Variants in TTLL4 observed in about 807,000 individuals in gnomAD.
TTLL4 encodes the protein tubulin tyrosine ligase like 4, also known as tubulin monoglutamylase TTLL4.
A neutral mutation model predicts 122.7 loss-of-function variants in TTLL4; 85 were observed. The ratio of observed to expected loss-of-function variants is 0.69; its 90% CI spans 0.58 to 0.83. The LOEUF is 0.83. Among genes scored for constraint, TTLL4 ranks in the 40% least tolerant of loss-of-function variants. TTLL4 has a pLI of 0.00. For synonymous variants in TTLL4, 553 were observed against 563.0 expected (o/e 0.98, Z 0.25); for missense variants, 1,363 against 1,488.6 (o/e 0.92, Z 1.39).
chr2:218,746,428 C>T, intron 8 of TTLL4, 197 bp downstream of exon 8: 1 of 593,230 alleles, frequency 1.7e-6, no homozygotes, highest in East Asian at 2.9e-5. Context: ...AGTTCAGCTG[C>T]AGTATCTTGG....
At chr2:218,739,252 T>A in intron 3 of TTLL4, 89 bp downstream of exon 3, 1 of 1,466,196 alleles carries the variant, frequency 6.8e-7, no homozygotes, top group Non-Finnish European at 9.0e-7. Context: ...CTCTGAAGGT[T>A]GGTTTTATTT....
In TTLL4 at chr2:218,754,525, G is replaced by A; in HGVS notation, c.*136G>A. 8.3e-7 allele frequency: 1 copy of A among 1,206,586 alleles called. No individual in the cohort carries two copies. Among genetic ancestry groups the A allele is most frequent in the Non-Finnish European group, 1.1e-6 (1 of 874,476 alleles). 74.7% of individuals were successfully genotyped at this position (1,206,586 alleles called of 1,614,324 possible). A position where few individuals can be genotyped will look rare whatever the true frequency, so the allele number is the denominator to read the frequency against. ...CCTCAGAGTATTTTTTGAAGTGGTT[G>A]CATTATAGAGATGGGTATTTGTAGG... On this transcript the variant is annotated 3_prime_UTR_variant, in exon 20 of 20. Transcript: ENST00000392102.
downstream of TTLL4, among the ~76,000 whole-genome samples, chr2:218,759,374 G>A (rs1195109987): frequency 6.6e-6 from 1 of 152,182 alleles, no homozygotes; most frequent in Non-Finnish European, 1.5e-5. Flanking sequence ...AACACAGTGG[G>A]ACCCTGTTTC....
intron 2 of TTLL4, among the ~76,000 whole-genome samples, chr2:218,734,224 T>A (rs1316506707): frequency 1.3e-5 from 2 of 152,182 alleles, no homozygotes; most frequent in Non-Finnish European, 1.5e-5. Flanking sequence ...AGGTTTTTTT[T>A]AGGATTAAAT....
chr2:218,714,235 A>G (rs1941793995), intron 1 of TTLL4, among the ~76,000 whole-genome samples: 1 of 152,226 alleles, frequency 6.6e-6, no homozygotes, highest in Non-Finnish European at 1.5e-5. Context: ...GCAAAGAGGA[A>G]GGAAGAAGGG....
rs752806885 is a variant in TTLL4, at chr2:218,751,808, TAGG to T, written c.2976+5_2976+7del. The T allele has an allele frequency of 2.7e-5, 43 of 1,609,590 alleles. No homozygotes were observed. The highest frequency in any genetic ancestry group is 3.7e-5 in the Non-Finnish European group (43 of 1,177,504). ...CTGACCCAGAAAATTCCTGATCAGG[TAGG>T]AGATTGGTCTTCCCCCCAGTGCTAG... is the stretch of plus-strand genomic sequence containing the variant. On this transcript the variant is annotated splice_donor_5th_base_variant and intron_variant, in intron 16 of 19. Coordinates refer to ENST00000392102, the MANE Select transcript of TTLL4 (RefSeq NM_014640.5).
At chr2:218,734,491 G>A (rs150282737) in intron 2 of TTLL4, among the ~76,000 whole-genome samples, 1 of 152,314 alleles carries the variant, frequency 6.6e-6, no homozygotes, top group African/African-American at 2.4e-5. Flanking sequence ...CATGCGCAGA[G>A]GTGAGGCATC....
intron 2 of TTLL4, among the ~76,000 whole-genome samples, chr2:218,728,280 T>C (rs1342464116): frequency 1.3e-5 from 2 of 152,214 alleles, no homozygotes; most frequent in Non-Finnish European, 1.5e-5. Context: ...TAATGTAGAA[T>C]CAGTGGGAGC....
intron 2 of TTLL4, among the ~76,000 whole-genome samples, chr2:218,731,110 TA>T (rs79616110): frequency 1.6e-3 from 161 of 101,578 alleles, no homozygotes; most frequent in Middle Eastern, 4.5e-3. Context: ...AGACCTTGTC[TA>T]AAAAAAAAAA....
Position 218,755,382 on chromosome 2 carries a change from C to T in TTLL4, c.*993C>T, listed in dbSNP as rs1943131866. ...TGTACTGAACTGATTCTACCTCCCT[C>T]CTCTAGACTCAGTAAACAGTGACTA... On this transcript the variant is annotated 3_prime_UTR_variant, in exon 20 of 20. Coordinates refer to ENST00000392102, the MANE Select transcript of TTLL4 (RefSeq NM_014640.5). 6.6e-6 allele frequency: 1 copy of T among 152,142 alleles called. No individual in the cohort carries two copies. The highest frequency in any genetic ancestry group is 2.1e-4 in the South Asian group (1 of 4,824). The allele number at this position is 152,142 out of a possible 1,614,324, so 9.4% of individuals were successfully genotyped here. A position where few individuals can be genotyped will look rare whatever the true frequency, so the allele number is the denominator to read the frequency against.
chr2:218,750,144 C>A lies in TTLL4; in HGVS notation c.2871C>A (p.Thr957=), dbSNP rs766420837. 47 of 1,613,426 alleles carry A rather than the reference C, an allele frequency of 2.9e-5. No individual in the cohort carries two copies. The Admixed American group carries it at 7.8e-4, about 27-fold the overall frequency. Residue 957 remains threonine (T), a splice_region_variant and synonymous_variant, in exon 15 of 20, where the codon ACC becomes ACA. Transcript: ENST00000392102. ...SSPSSCSSST[T]SLPTSPGDKC... Reference sequence around the variant, plus strand: ...CCAGCAGCTGCAGCAGCTCCACCACCAGGTGAGGCCCCTATTTCTTCACAG... The same window carrying A: ...CCAGCAGCTGCAGCAGCTCCACCACAAGGTGAGGCCCCTATTTCTTCACAG...
chr2:218,756,224 A>G (rs1943148722), downstream of TTLL4, among the ~76,000 whole-genome samples: 2 of 152,168 alleles, frequency 1.3e-5, no homozygotes, highest in Admixed American at 1.3e-4. Context: ...TTACTCCATG[A>G]AAACGAACTT....
chr2:218,714,086 G>A (rs1015124701), intron 1 of TTLL4, among the ~76,000 whole-genome samples: 2 of 152,160 alleles, frequency 1.3e-5, no homozygotes, highest in African/African-American at 4.8e-5. Flanking sequence ...ATAGGAGGTG[G>A]TTGAAGCCGT....
At position 218,740,154 on chromosome 2, in the gene TTLL4, T is replaced by G. The variant is rs773065769; in HGVS notation, c.1584T>G (p.Asn528Lys). 1 of 1,614,180 alleles carries G rather than the reference T, an allele frequency of 6.2e-7. No homozygotes were observed. Among genetic ancestry groups the G allele is most frequent in the Non-Finnish European group, 8.5e-7 (1 of 1,180,022 alleles). The stretch of plus-strand genomic sequence containing the variant: ...AAGACTGTTGTAGCCGTGATGAGAA[T>G]GAAGAGGAGGAGGGTGAGTAGGAAA... ...GLEDCCSRDE[N>K]EEEEGDSECS... Residue 528 changes from asparagine to lysine, a missense_variant, in exon 4 of 20, where the codon AAT becomes AAG. By Grantham distance (94) the Asn-to-Lys change is moderately conservative. Coordinates refer to ENST00000392102, the MANE Select transcript of TTLL4 (RefSeq NM_014640.5).
intron 1 of TTLL4, among the ~76,000 whole-genome samples, chr2:218,726,250 G>A (rs983567297): frequency 1.3e-5 from 2 of 152,040 alleles, no homozygotes; most frequent in Admixed American, 6.5e-5. Context: ...GATAATTTCC[G>A]AGGAGAATTT....
At chr2:218,748,337 A>G in intron 12 of TTLL4, 110 bp downstream of exon 12, 1 of 1,464,624 alleles carries the variant, frequency 6.8e-7, no homozygotes, top group South Asian at 1.3e-5. Context: ...TAAGACCCAG[A>G]GATAACACTT....
In TTLL4 at chr2:218,738,887, C is replaced by T. The variant is rs767829911; in HGVS notation, c.1211C>T (p.Ser404Leu). Reference protein sequence around the residue: ...GSVRRVLPGASDTLGLDNTVF... With the variant: ...GSVRRVLPGALDTLGLDNTVF... ...GTCAGGCGGGTCCTCCCTGGTGCCTCAGATACCTTGGGGTTGGACAATACA... is the reference window on the plus strand; with the variant it reads ...GTCAGGCGGGTCCTCCCTGGTGCCTTAGATACCTTGGGGTTGGACAATACA... The change falls in exon 3 of 20, where the codon TCA becomes TTA. Residue 404 changes from serine (S) to leucine (L), a missense_variant. Around this residue, in one of 3 missense-constraint regions of TTLL4, gnomAD observed 760 missense variants for 808.4 expected, o/e 0.94. Coordinates refer to ENST00000392102, the MANE Select transcript of TTLL4 (RefSeq NM_014640.5). The T allele has an allele frequency of 1.9e-6, 3 of 1,614,076 alleles. No individual in the cohort carries two copies. Among genetic ancestry groups the T allele is most frequent in the African/African-American group, 2.7e-5 (2 of 74,922 alleles).
chr2:218,738,796 A>G lies in TTLL4; in HGVS notation c.1120A>G (p.Asn374Asp). The change falls in exon 3 of 20, where the codon AAC (asparagine) becomes GAC (aspartate). Residue 374 changes from asparagine (N) to aspartate (D), a missense_variant. Asn to Asp is a conservative substitution (Grantham distance 23). Coordinates refer to ENST00000392102, the MANE Select transcript of TTLL4 (RefSeq NM_014640.5). ...CCCCAGCTTCCAGTGGAATGTCCTC[A>G]ACAGGAGCAGGCGGTGGAAACCTCC... ...LNPSFQWNVLNRSRRWKPPAV... is the reference protein window; with the variant it reads ...LNPSFQWNVLDRSRRWKPPAV... 6.2e-7 allele frequency: 1 copy of G among 1,614,196 alleles called. No homozygotes were observed. Among genetic ancestry groups the G allele is most frequent in the Non-Finnish European group, 8.5e-7 (1 of 1,180,038 alleles).
Position 218,738,005 on chromosome 2 carries a change from A to G in TTLL4, c.329A>G (p.Asp110Gly). 6.2e-7 allele frequency: 1 copy of G among 1,614,060 alleles called. No individual in the cohort carries two copies. The highest frequency in any genetic ancestry group is 1.6e-4 in the Middle Eastern group (1 of 6,062). The part of the protein sequence containing the change: ...SSSCYLHSLP[D>G]LFNSTLLYRR... ...TCCTGTTACCTACACTCTCTCCCGGACTTGTTCAACAGCACCCTGCTATAC... is the reference window on the plus strand; with the variant it reads ...TCCTGTTACCTACACTCTCTCCCGGGCTTGTTCAACAGCACCCTGCTATAC... Residue 110 changes from aspartate (D) to glycine (G), a missense_variant, in exon 3 of 20, where the codon GAC (aspartate) becomes GGC (glycine). Physicochemically the swap from Asp to Gly is moderately conservative, Grantham distance 94. Transcript: ENST00000392102.
Sources: gnomAD v4.1 joint callset for allele counts (sites outside exome capture counted in the v4.1 genomes callset) on GRCh38, gnomAD v4.1.1 for gene constraint, gnomAD v4.1.1 regional missense constraint, MANE v1.5 for transcripts, NCBI Gene and HGNC (gene_info 2026-07-23, HGNC 2026-07-21) for gene names.